The following PTPN4 variants were observed in gnomAD, a reference collection of about 807,000 sequenced individuals.
The protein encoded by PTPN4 is tyrosine-protein phosphatase non-receptor type 4.
PTPN4 carries 49 observed loss-of-function variants against 135.5 expected under a neutral mutation model. That is an observed-to-expected ratio of 0.36 (90% CI 0.29 to 0.46). The LOEUF (loss-of-function observed/expected upper bound fraction) is 0.46, where lower values mean the gene tolerates loss of function less well. PTPN4 is among the 20% of genes least tolerant of loss of function. The probability of loss-of-function intolerance (pLI) is 1.00; values close to 1 mark genes in which losing one functional copy is unlikely to be tolerated. For synonymous variants in PTPN4, 333 were observed against 369.9 expected (o/e 0.90, Z 1.14); for missense variants, 860 against 1,101.0 (o/e 0.78, Z 3.10).
chr2:119,792,407 A>G (rs1461286065), intron 1 of PTPN4, among the ~76,000 whole-genome samples: 3 of 152,208 alleles, frequency 2.0e-5, no homozygotes, highest in Non-Finnish European at 2.9e-5. Flanking sequence ...AGAGAGGCTA[A>G]CTAGAATAAA....
At chr2:119,800,420 A>G (rs1469427855) in intron 1 of PTPN4, among the ~76,000 whole-genome samples, 2 of 144,284 alleles carry the variant, frequency 1.4e-5, no homozygotes, top group Non-Finnish European at 1.5e-5. Flanking sequence ...TTTTTTGCCC[A>G]TTTTCTAATG....
intron 19 of PTPN4, among the ~76,000 whole-genome samples, chr2:119,953,223 C>T (rs188200319): frequency 1.3e-5 from 2 of 152,150 alleles, no homozygotes; most frequent in African/African-American, 2.4e-5. Context: ...TTATTTTAGC[C>T]ACAGAATAAT....
At chr2:119,796,080 C>T (rs923041954) in intron 1 of PTPN4, among the ~76,000 whole-genome samples, 9 of 152,190 alleles carry the variant, frequency 5.9e-5, no homozygotes, top group South Asian at 2.1e-4. Context: ...GGGTCCTACC[C>T]GGCCATGCGA....
chr2:119,826,455 A>G (rs1395394434), intron 2 of PTPN4, among the ~76,000 whole-genome samples: 2 of 152,224 alleles, frequency 1.3e-5, no homozygotes, highest in African/African-American at 4.8e-5. Context: ...TGATTCCTAA[A>G]TGGGGCAGAC....
At chr2:119,914,248 A>ATTTTTTTTTTTTTTTTTTTTTTTTTTT (rs55911315) in intron 10 of PTPN4, among the ~76,000 whole-genome samples, 1 of 97,428 alleles carries the variant, frequency 1.0e-5, no homozygotes, top group African/African-American at 5.9e-5. Flanking sequence ...TAGTTACTCA[A>ATTTTTTTTTTTTTTTTTTTTTTTTTTT]TTTTTTTTTT....
chr2:119,789,346 G>A (rs1485200319), intron 1 of PTPN4, among the ~76,000 whole-genome samples: 2 of 152,050 alleles, frequency 1.3e-5, no homozygotes, highest in Non-Finnish European at 2.9e-5. Context: ...TACATGATTG[G>A]CAAATATTTC....
chr2:119,901,945 G>T, intron 10 of PTPN4, among the ~76,000 whole-genome samples: 1 of 152,136 alleles, frequency 6.6e-6, no homozygotes. Context: ...TGGGAAAAAG[G>T]AATGAAAGAA....
At chr2:119,801,974 C>T (rs1691383940) in intron 1 of PTPN4, among the ~76,000 whole-genome samples, 1 of 140,024 alleles carries the variant, frequency 7.1e-6, no homozygotes. Flanking sequence ...AATCTTGGCT[C>T]ACTGCAACCT....
chr2:119,958,337 A>C (rs971911670), intron 22 of PTPN4, among the ~76,000 whole-genome samples: 2 of 151,756 alleles, frequency 1.3e-5, no homozygotes, highest in African/African-American at 4.8e-5. Flanking sequence ...CTAAAAAAAA[A>C]AAAAAGAACA....
At chr2:119,864,174 G>T (rs550961730) in intron 3 of PTPN4, among the ~76,000 whole-genome samples, 1 of 152,170 alleles carries the variant, frequency 6.6e-6, no homozygotes, top group East Asian at 1.9e-4. Flanking sequence ...ATTGGTTAGC[G>T]ATTGGCTATA....
intron 10 of PTPN4, among the ~76,000 whole-genome samples, chr2:119,914,560 T>G (rs917952386): frequency 1.3e-5 from 2 of 152,110 alleles, no homozygotes; most frequent in Admixed American, 6.6e-5. Flanking sequence ...AAATATTTAC[T>G]TAGAAGACTG....
At chr2:119,935,081 G>C in intron 15 of PTPN4, 123 bp downstream of exon 15, 1 of 1,161,638 alleles carries the variant, frequency 8.6e-7, no homozygotes, top group Non-Finnish European at 1.2e-6. Context: ...TTCAAAATGT[G>C]TATGTTTGCA....
intron 15 of PTPN4, among the ~76,000 whole-genome samples, chr2:119,940,220 C>T (rs934255300): frequency 3.9e-5 from 6 of 152,140 alleles, no homozygotes; most frequent in African/African-American, 9.7e-5. Flanking sequence ...TTTTAAAGTG[C>T]CTTGTGCGTT....
chr2:119,857,089 A>AT (rs1383137619), intron 2 of PTPN4, among the ~76,000 whole-genome samples: 5 of 151,214 alleles, frequency 3.3e-5, no homozygotes, highest in Non-Finnish European at 5.9e-5. Context: ...ATATTTTTAA[A>AT]TTTTTTTTTA....
rs1679716373 is a variant in PTPN4 at position 119,982,998 on chromosome 2, AT to A, written c.*5930del. ...GCTGCTTTAAAAGGTGGTATTTATT[AT>A]TCATCACTCATGAAACTTGACTCAG... On this transcript the variant is annotated 3_prime_UTR_variant, in exon 27 of 27. Transcript: ENST00000263708. 6.6e-6 allele frequency: 1 copy of A among 152,204 alleles called. No individual in the cohort carries two copies. Among genetic ancestry groups the A allele is most frequent in the Admixed American group, 6.5e-5 (1 of 15,282 alleles). 9.4% of individuals were successfully genotyped at this position (152,204 alleles called of 1,614,324 possible). A position where few individuals can be genotyped will look rare whatever the true frequency, so the allele number is the denominator to read the frequency against.
Position 119,945,101 on chromosome 2 carries a change from A to T in PTPN4, c.1376A>T (p.Asp459Val), listed in dbSNP as rs1311414420. ...ESSPSQETPG[D>V]GKPPALPPKQ... ...TCTAGATCACAAGAGACCCCTGGAGATGGGAAGCCTCCAGCTTTACCACCC... is the reference window on the plus strand; with the variant it reads ...TCTAGATCACAAGAGACCCCTGGAGTTGGGAAGCCTCCAGCTTTACCACCC... The change falls in exon 16 of 27, where the codon GAT (aspartate) becomes GTT (valine). Residue 459 changes from aspartate to valine, a missense_variant. Transcript: ENST00000263708. 1.9e-6 allele frequency: 3 copies of T among 1,603,342 alleles called. No homozygotes were observed. The highest frequency in any genetic ancestry group is 2.5e-6 in the Non-Finnish European group (3 of 1,176,758).
intron 1 of PTPN4, among the ~76,000 whole-genome samples, chr2:119,798,229 T>C (rs1691299655): frequency 6.6e-6 from 1 of 151,700 alleles, no homozygotes; most frequent in Non-Finnish European, 1.5e-5. Flanking sequence ...TGCAATGGCA[T>C]GATCTCAGCT....
At chr2:119,884,330 CACTT>C (rs1034232565) in intron 8 of PTPN4, among the ~76,000 whole-genome samples, 4 of 152,198 alleles carry the variant, frequency 2.6e-5, no homozygotes, top group African/African-American at 9.6e-5. Context: ...ATGAATAAAA[CACTT>C]ACTGGAACAC....
chr2:119,823,525 G>T (rs940823413), intron 2 of PTPN4, among the ~76,000 whole-genome samples: 4 of 152,146 alleles, frequency 2.6e-5, no homozygotes, highest in Non-Finnish European at 4.4e-5. Flanking sequence ...GAGCCACCGT[G>T]CCCAGCCCAT....
Sources: gnomAD v4.1 joint callset for allele counts (sites outside exome capture counted in the v4.1 genomes callset) on GRCh38, gnomAD v4.1.1 for gene constraint, MANE v1.5 for transcripts, NCBI Gene and HGNC (gene_info 2026-07-23, HGNC 2026-07-21) for gene names.